The following OPCML variants were observed in gnomAD, a reference collection of about 807,000 sequenced individuals.
OPCML encodes the protein opioid binding protein/cell adhesion molecule like.
A neutral mutation model predicts 37.8 loss-of-function variants in OPCML; 13 were observed. The observed-to-expected ratio is 0.34, with a 90% CI of 0.22 to 0.55. The LOEUF (loss-of-function observed/expected upper bound fraction) is 0.55, where lower values mean the gene tolerates loss of function less well. OPCML is among the 20% of genes least tolerant of loss of function. The pLI is 0.91. For missense variants in OPCML, 341 were observed against 435.6 expected, an observed-to-expected ratio of 0.78 and a Z score of 1.93; for synonymous variants, 176 against 168.8, an observed-to-expected ratio of 1.04 and a Z score of -0.33.
chr11:132,444,085 G>C (rs1044885171), intron 4 of OPCML, among the ~76,000 whole-genome samples: 1 of 152,198 alleles, frequency 6.6e-6, no homozygotes, highest in Admixed American at 6.5e-5. Flanking sequence ...GCAATGCAGA[G>C]TCTGGGGTAA....
chr11:133,171,365 C>T (rs767370981), intron 1 of OPCML, among the ~76,000 whole-genome samples: 26 of 152,110 alleles, frequency 1.7e-4, no homozygotes, highest in Non-Finnish European at 3.4e-4. Flanking sequence ...TGCCTCAATC[C>T]GCTCCACAGT....
At chr11:132,731,950 A>C (rs923498317) in intron 2 of OPCML, among the ~76,000 whole-genome samples, 1 of 152,200 alleles carries the variant, frequency 6.6e-6, no homozygotes, top group African/African-American at 2.4e-5. Flanking sequence ...GGGTGTGATC[A>C]TATTATATAC....
intron 1 of OPCML, among the ~76,000 whole-genome samples, chr11:133,423,596 G>A (rs1945937842): frequency 6.6e-6 from 1 of 152,220 alleles, no homozygotes; most frequent in Admixed American, 6.5e-5. Context: ...AAGCAATGAT[G>A]AACCCAAGAG....
At chr11:133,467,806 T>C (rs1947011172) in intron 1 of OPCML, among the ~76,000 whole-genome samples, 1 of 152,088 alleles carries the variant, frequency 6.6e-6, no homozygotes, top group Non-Finnish European at 1.5e-5. Context: ...CTCAATGAAT[T>C]CCCTCACACT....
intron 2 of OPCML, among the ~76,000 whole-genome samples, chr11:132,694,487 G>A (rs2135900804): frequency 6.6e-6 from 1 of 152,176 alleles, no homozygotes; most frequent in South Asian, 2.1e-4. Flanking sequence ...GTGAGCCACC[G>A]TGCCTGGCCA....
chr11:133,476,897 T>A (rs1250074537), intron 1 of OPCML, among the ~76,000 whole-genome samples: 1 of 152,326 alleles, frequency 6.6e-6, no homozygotes, highest in South Asian at 2.1e-4. Context: ...ATTCATAAAT[T>A]ATGGCATCAA....
chr11:132,831,677 G>T (rs1378872195), intron 2 of OPCML, among the ~76,000 whole-genome samples: 2 of 151,688 alleles, frequency 1.3e-5, no homozygotes, highest in Non-Finnish European at 2.9e-5. Flanking sequence ...CCTCTCTCCT[G>T]ACTCCCTCTC....
At chr11:132,613,581 C>A (rs1320664311) in intron 3 of OPCML, among the ~76,000 whole-genome samples, 1 of 152,184 alleles carries the variant, frequency 6.6e-6, no homozygotes, top group Non-Finnish European at 1.5e-5. Context: ...ATTGGAATCC[C>A]AGTCGTTCTT....
chr11:132,778,354 A>T (rs1368912648), intron 2 of OPCML, among the ~76,000 whole-genome samples: 3 of 152,234 alleles, frequency 2.0e-5, no homozygotes, highest in Non-Finnish European at 2.9e-5. Context: ...ACCTCCGTTT[A>T]TTCAACCAAA....
intron 3 of OPCML, among the ~76,000 whole-genome samples, chr11:132,612,837 C>T (rs1938742094): frequency 6.6e-6 from 1 of 152,080 alleles, no homozygotes. Flanking sequence ...GTCCGGTCAC[C>T]TATTTTCTGC....
intron 4 of OPCML, among the ~76,000 whole-genome samples, chr11:132,440,595 A>G (rs2136769527): frequency 6.6e-6 from 1 of 152,306 alleles, no homozygotes; most frequent in South Asian, 2.1e-4. Context: ...CTGCCCCTCC[A>G]AGGACTCACT....
intron 1 of OPCML, among the ~76,000 whole-genome samples, chr11:133,095,449 A>G (rs1948986598): frequency 6.6e-6 from 1 of 150,752 alleles, no homozygotes; most frequent in Non-Finnish European, 1.5e-5. Flanking sequence ...AATCTTTAGT[A>G]TCTTGCAAAA....
intron 1 of OPCML, among the ~76,000 whole-genome samples, chr11:133,530,337 C>T (rs1948579628): frequency 6.6e-6 from 1 of 152,260 alleles, no homozygotes; most frequent in Non-Finnish European, 1.5e-5. Flanking sequence ...GGCTCACCCC[C>T]CGCCTTGCTT....
At chr11:132,876,363 T>C (rs1276372594) in intron 2 of OPCML, among the ~76,000 whole-genome samples, 2 of 152,140 alleles carry the variant, frequency 1.3e-5, no homozygotes, top group African/African-American at 4.8e-5. Flanking sequence ...ATGATCTGAG[T>C]TCAGGGCCAT....
rs1278769753 is a variant in OPCML at position 132,690,931 on chromosome 11, G to T, written c.147-33612C>A. On this transcript the variant is annotated intron_variant, in intron 2 of 7. Coordinates refer to ENST00000524381, the MANE Select transcript of OPCML (RefSeq NM_001012393.5). ...ATATAGAAAAGTGCAATTGTATAAA[G>T]AAAACATGCAAAATAGGCTTTACGA... Among the ~76,000 whole-genome samples, 3 of 152,172 alleles carry T rather than the reference G, an allele frequency of 2.0e-5. No homozygotes were observed. In the East Asian group the frequency reaches 5.8e-4, roughly 29 times the overall value.
chr11:132,429,961 C>G (rs1471690633), intron 7 of OPCML, among the ~76,000 whole-genome samples: 1 of 152,052 alleles, frequency 6.6e-6, no homozygotes, highest in Admixed American at 6.6e-5. Context: ...GGTAAGGAGA[C>G]AGTCACCACC....
chr11:132,436,029 G>A, intron 7 of OPCML, 57 bp downstream of exon 7: 1 of 1,573,190 alleles, frequency 6.4e-7, no homozygotes, highest in Non-Finnish European at 8.6e-7. Context: ...TCCCTCCTGA[G>A]TCCCTCAAGC....
At chr11:133,015,439 G>GGAAT (rs1565398939) in intron 1 of OPCML, among the ~76,000 whole-genome samples, 2 of 100,588 alleles carry the variant, frequency 2.0e-5, no homozygotes, top group African/African-American at 6.9e-5. Context: ...AATGAAGGAA[G>GGAAT]GAAGGAAGGA....
chr11:133,414,600 A>G (rs1945720979), intron 1 of OPCML, among the ~76,000 whole-genome samples: 1 of 152,134 alleles, frequency 6.6e-6, no homozygotes, highest in South Asian at 2.1e-4. Flanking sequence ...CCACAAGTCA[A>G]TCTGGCCCTG....
Sources: allele counts gnomAD v4.1 joint callset (sites outside exome capture counted in the v4.1 genomes callset), GRCh38; gene constraint gnomAD v4.1.1; transcripts MANE v1.5; gene names NCBI Gene and HGNC (gene_info 2026-07-23, HGNC 2026-07-21).